The following AKR1C8 variants were observed in gnomAD, a reference collection of about 807,000 sequenced individuals.
AKR1C8 encodes aldo-keto reductase family 1 member C8.
the AKR1C8 span, among the ~76,000 whole-genome samples, chr10:5,179,630 T>A: frequency 6.9e-6 from 1 of 144,792 alleles, no homozygotes; most frequent in Admixed American, 7.0e-5. Flanking sequence ...CAGACGTAGA[T>A]TTGGTCTTTT....
the AKR1C8 span, among the ~76,000 whole-genome samples, chr10:5,124,606 A>T: frequency 6.6e-6 from 1 of 152,210 alleles, no homozygotes; most frequent in Admixed American, 6.5e-5. Context: ...AAATTAAAAC[A>T]TTAAATTTTA....
the AKR1C8 span, among the ~76,000 whole-genome samples, chr10:5,148,595 GC>G: frequency 1.3e-5 from 2 of 152,146 alleles, no homozygotes; most frequent in Non-Finnish European, 2.9e-5. Flanking sequence ...ATTCTTGTGA[GC>G]CTCTTATTAG....
At chr10:5,115,890 G>A in the AKR1C8 span, among the ~76,000 whole-genome samples, 44 of 152,128 alleles carry the variant, frequency 2.9e-4, no homozygotes, top group Middle Eastern at 3.4e-3. Context: ...GACAATTACC[G>A]TCCTCTTTTC....
chr10:5,134,551 G>A, the AKR1C8 span, among the ~76,000 whole-genome samples: 2 of 152,114 alleles, frequency 1.3e-5, no homozygotes, highest in East Asian at 3.9e-4. Flanking sequence ...CTCCTTCGAG[G>A]TTCTAGTTTT....
At chr10:5,120,892 T>A in the AKR1C8 span, among the ~76,000 whole-genome samples, 3 of 152,164 alleles carry the variant, frequency 2.0e-5, no homozygotes, top group Admixed American at 6.6e-5. Flanking sequence ...GTGGAAAATA[T>A]GATGCTATTA....
At chr10:5,162,387 G>A in the AKR1C8 span, among the ~76,000 whole-genome samples, 1 of 152,182 alleles carries the variant, frequency 6.6e-6, no homozygotes, top group Non-Finnish European at 1.5e-5. Context: ...AACACACACA[G>A]GGTGCATCCC....
At chr10:5,139,977 G>T in the AKR1C8 span, among the ~76,000 whole-genome samples, 3 of 152,130 alleles carry the variant, frequency 2.0e-5, no homozygotes, top group East Asian at 1.9e-4. Flanking sequence ...TCATCAAAAA[G>T]TGGGCAAAGG....
At chr10:5,160,379 G>A in the AKR1C8 span, among the ~76,000 whole-genome samples, 2 of 149,396 alleles carry the variant, frequency 1.3e-5, no homozygotes, top group Admixed American at 1.4e-4. Context: ...TTCTAGAATG[G>A]GAAAAAAAAA....
the AKR1C8 span, chr10:5,160,050 TC>T: frequency 6.3e-6 from 2 of 315,544 alleles, no homozygotes; most frequent in African/African-American, 4.5e-5. Context: ...TGTAAATTTT[TC>T]TTTTCAATTG....
chr10:5,116,490 G>C, the AKR1C8 span, among the ~76,000 whole-genome samples: 97,622 of 151,866 alleles, frequency 0.64, 32,232 homozygotes, highest in African/African-American at 0.7. Context: ...ATGAGAGAAA[G>C]AGTACTAATA....
At chr10:5,177,804 T>A in the AKR1C8 span, among the ~76,000 whole-genome samples, 2 of 152,204 alleles carry the variant, frequency 1.3e-5, no homozygotes, top group Admixed American at 1.3e-4. Context: ...TAGTTTGTAT[T>A]TCTGTGGGAT....
the AKR1C8 span, chr10:5,154,982 T>C: frequency 0.28 from 43,016 of 152,108 alleles, 6,884 homozygotes; most frequent in Non-Finnish European, 0.36. Flanking sequence ...TGGTAAAGGC[T>C]ATTGACACCT....
At chr10:5,149,441 A>C in the AKR1C8 span, among the ~76,000 whole-genome samples, 1 of 152,026 alleles carries the variant, frequency 6.6e-6, no homozygotes, top group Non-Finnish European at 1.5e-5. Flanking sequence ...TATTTAAAAG[A>C]CTCTCAGATT....
chr10:5,121,396 GT>G, the AKR1C8 span, among the ~76,000 whole-genome samples: 1 of 152,172 alleles, frequency 6.6e-6, no homozygotes, highest in Non-Finnish European at 1.5e-5. Flanking sequence ...GGACACCTCA[GT>G]CACTAGCACT....
chr10:5,129,727 T>C, the AKR1C8 span, among the ~76,000 whole-genome samples: 229 of 151,820 alleles, frequency 1.5e-3, 1 homozygote, highest in African/African-American at 5.1e-3. Context: ...CAGGAAGAAA[T>C]AGAAAACCAG....
At chr10:5,124,221 T>C in the AKR1C8 span, among the ~76,000 whole-genome samples, 1 of 152,166 alleles carries the variant, frequency 6.6e-6, no homozygotes, top group South Asian at 2.1e-4. Context: ...TTTATAGGAA[T>C]ATTACTAGTA....
At chr10:5,166,831 T>G in the AKR1C8 span, among the ~76,000 whole-genome samples, 1 of 151,966 alleles carries the variant, frequency 6.6e-6, no homozygotes, top group African/African-American at 2.4e-5. Flanking sequence ...CAAAAGAAAC[T>G]ACCCTCAGAG....
At chr10:5,122,239 G>T in the AKR1C8 span, 6 of 282,274 alleles carry the variant, frequency 2.1e-5, no homozygotes, top group South Asian at 1.1e-4. Context: ...CAAGGACTTT[G>T]CAAGGGGCAA....
At chr10:5,161,772 A>G in the AKR1C8 span, 2 of 534,786 alleles carry the variant, frequency 3.7e-6, no homozygotes, top group Admixed American at 1.9e-5. Context: ...AGAACCCTGG[A>G]AACCAAGCTA....
Sources: allele counts gnomAD v4.1 joint callset (sites outside exome capture counted in the v4.1 genomes callset), GRCh38; gene constraint gnomAD v4.1.1; transcripts MANE v1.5; gene names NCBI Gene and HGNC (gene_info 2026-07-23, HGNC 2026-07-21).